The following KIAA1671 variants were observed in gnomAD, a reference collection of about 807,000 sequenced individuals.
KIAA1671 encodes uncharacterized protein KIAA1671.
Under a neutral mutation model 131.2 loss-of-function variants are expected in KIAA1671, and 52 were observed. That is an observed-to-expected ratio of 0.40 (90% CI 0.32 to 0.50). KIAA1671 has a LOEUF of 0.50. KIAA1671 is among the 20% of genes least tolerant of loss of function. The pLI, the probability that KIAA1671 is intolerant of heterozygous loss-of-function variation, is 0.73. For missense variants in KIAA1671, 2,360 were observed against 2,364.2 expected (o/e 1.00, Z 0.04); for synonymous variants, 1,003 against 961.6 (o/e 1.04, Z -0.80).
chr22:25,048,846 A>G, intron 5 of KIAA1671: 2 of 168,438 alleles, frequency 1.2e-5, no homozygotes, highest in Non-Finnish European at 2.6e-5. Context: ...GGAGGAGGCT[A>G]GGGTAAGCCA....
At chr22:25,154,907 A>G (rs1159485965) in intron 6 of KIAA1671, among the ~76,000 whole-genome samples, 1 of 152,186 alleles carries the variant, frequency 6.6e-6, no homozygotes, top group African/African-American at 2.4e-5. Flanking sequence ...CTTAATAGAT[A>G]CGATGCTTAA....
At chr22:24,997,528 T>C (rs1775961577) in intron 1 of KIAA1671, among the ~76,000 whole-genome samples, 2 of 151,664 alleles carry the variant, frequency 1.3e-5, no homozygotes, top group Admixed American at 6.6e-5. Flanking sequence ...AGGGAAAGGG[T>C]GCTGGTATAG....
chr22:25,142,752 G>T (rs1006791466), intron 6 of KIAA1671, among the ~76,000 whole-genome samples: 5 of 152,178 alleles, frequency 3.3e-5, no homozygotes, highest in African/African-American at 1.2e-4. Context: ...GACTTCTGTA[G>T]TCGCTACTTG....
chr22:24,961,689 G>A (rs191331247), intron 1 of KIAA1671, among the ~76,000 whole-genome samples: 1 of 152,250 alleles, frequency 6.6e-6, no homozygotes, highest in East Asian at 1.9e-4. Flanking sequence ...TCATGCTATA[G>A]GCTGAAGCAA....
intron 6 of KIAA1671, among the ~76,000 whole-genome samples, chr22:25,085,433 CCTCA>C (rs1478844941): frequency 6.6e-5 from 10 of 152,174 alleles, no homozygotes; most frequent in Non-Finnish European, 1.5e-4. Context: ...GTCTGAATCA[CCTCA>C]CTCACCAAAC....
At chr22:25,191,896 T>C (rs971395499) in intron 12 of KIAA1671, among the ~76,000 whole-genome samples, 1 of 152,206 alleles carries the variant, frequency 6.6e-6, no homozygotes, top group Non-Finnish European at 1.5e-5. Flanking sequence ...CCCCACTTTA[T>C]ATGAATGTTC....
chr22:25,021,009 C>G (rs1159558491), intron 1 of KIAA1671, among the ~76,000 whole-genome samples: 1 of 152,150 alleles, frequency 6.6e-6, no homozygotes, highest in Non-Finnish European at 1.5e-5. Context: ...CTGGCTACTG[C>G]TAGGTGAATG....
intron 1 of KIAA1671, among the ~76,000 whole-genome samples, chr22:24,989,695 G>A (rs1923737563): frequency 6.6e-6 from 1 of 152,116 alleles, no homozygotes; most frequent in African/African-American, 2.4e-5. Context: ...GAAACTATTT[G>A]GGATGAGTTC....
At chr22:25,118,935 C>T (rs553327016) in intron 6 of KIAA1671, among the ~76,000 whole-genome samples, 8 of 152,242 alleles carry the variant, frequency 5.3e-5, no homozygotes, top group Admixed American at 2.0e-4. Context: ...AGAGGCTTCC[C>T]GACGTTCCAG....
At chr22:25,103,366 G>A (rs534025167) in intron 6 of KIAA1671, among the ~76,000 whole-genome samples, 9 of 151,316 alleles carry the variant, frequency 5.9e-5, no homozygotes, top group East Asian at 3.9e-4. Context: ...ACGCACCACC[G>A]CACCCGGCTA....
intron 1 of KIAA1671, among the ~76,000 whole-genome samples, chr22:25,019,837 A>G (rs1183917910): frequency 1.3e-5 from 2 of 152,120 alleles, no homozygotes; most frequent in African/African-American, 2.4e-5. Flanking sequence ...CAAACTAAAG[A>G]CTTGTGATGT....
chr22:25,187,458 A>G (rs1026816662), intron 11 of KIAA1671, among the ~76,000 whole-genome samples: 1 of 148,500 alleles, frequency 6.7e-6, no homozygotes, highest in African/African-American at 2.5e-5. Flanking sequence ...CCCATTTAAC[A>G]ATCTTCATAA....
chr22:25,046,706 C>T, intron 5 of KIAA1671, among the ~76,000 whole-genome samples: 1 of 151,876 alleles, frequency 6.6e-6, no homozygotes, highest in East Asian at 1.9e-4. Flanking sequence ...CATAGAAATA[C>T]ATATTTTTAT....
intron 6 of KIAA1671, among the ~76,000 whole-genome samples, chr22:25,147,209 TTTA>T (rs1160308178): frequency 7.6e-6 from 1 of 131,272 alleles, no homozygotes; most frequent in Non-Finnish European, 1.6e-5. Context: ...TTTATTTTAT[TTTA>T]GACAGAGTCT....
At position 25,067,580 on chromosome 22, in the gene KIAA1671, C is replaced by T. The variant is rs1391340980; in HGVS notation, c.4530+18216C>T. On this transcript the variant is annotated intron_variant, in intron 6 of 12. Transcript: ENST00000358431. ...CCTCCCTGTCTCATGCCTTTCCTGCCTGTAACTTCCTTCTCCTTCCTCCCA... is the reference window on the plus strand; with the variant it reads ...CCTCCCTGTCTCATGCCTTTCCTGCTTGTAACTTCCTTCTCCTTCCTCCCA... Among the ~76,000 whole-genome samples the T allele has an allele frequency of 2.0e-5, 3 of 152,156 alleles. No individual in the cohort carries two copies. In the East Asian group the frequency reaches 5.8e-4, roughly 29 times the overall value.
chr22:25,192,935 G>A lies in KIAA1671; in HGVS notation c.*534G>A, dbSNP rs1934715620. On this transcript the variant is annotated 3_prime_UTR_variant, in exon 13 of 13. Coordinates refer to ENST00000358431, the MANE Select transcript of KIAA1671 (RefSeq NM_001145206.2). ...TTGAGGTTTTCTATTCTTTTTTTTT[G>A]GTGAGTTCCTTCTTCCCCTTGAGGA... is the stretch of plus-strand genomic sequence containing the variant. 6.6e-6 allele frequency: 1 copy of A among 150,938 alleles called. No individual in the cohort carries two copies. The highest frequency in any genetic ancestry group is 1.5e-5 in the Non-Finnish European group (1 of 67,684). 9.3% of individuals were successfully genotyped at this position (150,938 alleles called of 1,614,324 possible).
intron 6 of KIAA1671, among the ~76,000 whole-genome samples, chr22:25,162,985 T>C (rs1020936276): frequency 1.3e-5 from 2 of 152,210 alleles, no homozygotes; most frequent in Admixed American, 1.3e-4. Context: ...TTTATGTGTT[T>C]GTTTTCACAA....
At chr22:25,065,747 C>G (rs186548484) in intron 6 of KIAA1671, among the ~76,000 whole-genome samples, 1 of 151,864 alleles carries the variant, frequency 6.6e-6, no homozygotes, top group East Asian at 1.9e-4. Flanking sequence ...TCAAGCGATT[C>G]TCCTGCCTCA....
chr22:25,126,335 C>T (rs1467061359), intron 6 of KIAA1671, among the ~76,000 whole-genome samples: 1 of 152,184 alleles, frequency 6.6e-6, no homozygotes, highest in Non-Finnish European at 1.5e-5. Context: ...GGAGCCTGTT[C>T]TTTTCTTCTT....
Sources: gnomAD v4.1 joint callset for allele counts (sites outside exome capture counted in the v4.1 genomes callset) on GRCh38, gnomAD v4.1.1 for gene constraint, MANE v1.5 for transcripts, NCBI Gene and HGNC (gene_info 2026-07-23, HGNC 2026-07-21) for gene names.